NUP210: variants seen among roughly 807,000 people sequenced by gnomAD.
The protein encoded by NUP210 is nucleoporin 210, also known as nuclear pore membrane glycoprotein 210.
A neutral mutation model predicts 196.0 loss-of-function variants in NUP210; 151 were observed. That is an observed-to-expected ratio of 0.77 (90% CI 0.67 to 0.88). The LOEUF (loss-of-function observed/expected upper bound fraction) is 0.88, where lower values mean the gene tolerates loss of function less well. NUP210 is among the 40% of genes least tolerant of loss of function. NUP210 has a pLI of 0.00. For synonymous variants in NUP210, 1,070 were observed against 1,052.7 expected (o/e 1.02, Z -0.32); for missense variants, 2,314 against 2,493.7 (o/e 0.93, Z 1.53).
At chr3:13,327,113 T>C in intron 32 of NUP210, 104 bp downstream of exon 32, 5 of 827,044 alleles carry the variant, frequency 6.0e-6, no homozygotes, top group Non-Finnish European at 9.4e-6. Context: ...CAGGTCTGCC[T>C]GTAGGCCCCC....
At chr3:13,326,085 C>A (rs1260864353) in intron 32 of NUP210, among the ~76,000 whole-genome samples, 154 bp from the exon 33 acceptor site, 2 of 152,274 alleles carry the variant, frequency 1.3e-5, no homozygotes, top group African/African-American at 2.4e-5. Context: ...ACGCTGCCTG[C>A]CCCAGTGCCG....
chr3:13,361,737 C>T (rs766483997), intron 14 of NUP210, among the ~76,000 whole-genome samples: 3 of 152,214 alleles, frequency 2.0e-5, no homozygotes, highest in Non-Finnish European at 2.9e-5. Context: ...AGACCTGACC[C>T]TGTCCCTTGT....
At chr3:13,388,895 C>T (rs553166362) in intron 4 of NUP210, among the ~76,000 whole-genome samples, 6 of 152,214 alleles carry the variant, frequency 3.9e-5, no homozygotes, top group African/African-American at 9.6e-5. Flanking sequence ...CCCGGCCTAG[C>T]GCCCAGCTCT....
intron 13 of NUP210, 116 bp from the exon 14 acceptor site, chr3:13,366,207 C>T (rs1454861195): frequency 1.4e-5 from 13 of 958,118 alleles, no homozygotes; most frequent in Middle Eastern, 6.7e-4. Context: ...TGGCTCACTG[C>T]GACCTCCGCC....
intron 16 of NUP210, among the ~76,000 whole-genome samples, chr3:13,357,280 C>T (rs1377968403): frequency 6.6e-6 from 1 of 152,224 alleles, no homozygotes; most frequent in South Asian, 2.1e-4. Flanking sequence ...CGTTAGATAG[C>T]GGTGAGCTCG....
At chr3:13,416,266 C>T (rs1700345717) in intron 1 of NUP210, among the ~76,000 whole-genome samples, 1 of 148,402 alleles carries the variant, frequency 6.7e-6, no homozygotes, top group Admixed American at 6.6e-5. Context: ...AGTCTGTGAA[C>T]AGCTTGGTAT....
At chr3:13,361,940 C>T (rs537187364) in intron 14 of NUP210, among the ~76,000 whole-genome samples, 1 of 152,218 alleles carries the variant, frequency 6.6e-6, no homozygotes, top group Non-Finnish European at 1.5e-5. Flanking sequence ...GCGACCCCTC[C>T]TCACACTGCA....
rs1165836823 is a variant in NUP210, at chr3:13,375,535, G to A, written c.1400C>T (p.Pro467Leu). ...YPSILTFPWQ[P>L]KTGAYQYTIR... ...TGTGTACTGATAGGCGCCCGTCTTTGGTTGCCACGGAAATGTCAAGATGCT... is the reference window on the plus strand; with the variant it reads ...TGTGTACTGATAGGCGCCCGTCTTTAGTTGCCACGGAAATGTCAAGATGCT... The change falls in exon 11 of 40, where the codon CCA (proline) becomes CTA (leucine). Residue 467 changes from proline (P) to leucine (L), a missense_variant. Coordinates refer to ENST00000254508, the MANE Select transcript of NUP210 (RefSeq NM_024923.4). 1 of 1,614,142 alleles carries A rather than the reference G, an allele frequency of 6.2e-7. No homozygotes were observed. The highest frequency in any genetic ancestry group is 1.1e-5 in the South Asian group (1 of 91,072).
intron 12 of NUP210, among the ~76,000 whole-genome samples, chr3:13,373,495 G>A (rs1698798172): frequency 6.6e-6 from 1 of 152,214 alleles, no homozygotes; most frequent in Non-Finnish European, 1.5e-5. Context: ...ACCCAGCTCT[G>A]TGGACACTGG....
chr3:13,326,351 C>A (rs1696752881), intron 32 of NUP210, among the ~76,000 whole-genome samples: 1 of 578 alleles, frequency 1.7e-3, no homozygotes, highest in Non-Finnish European at 3.3e-3. Context: ...CTTATCAATT[C>A]CTTTTTAGCA....
chr3:13,353,905 C>A lies in NUP210; in HGVS notation c.2521+10G>T. ...TCCTGCCTGGGCCATCAGGCTTGTG[C>A]CCAGCTCACCGTGCAGCTTCTTTTG... On this transcript the variant is annotated intron_variant, in intron 17 of 39. Transcript: ENST00000254508. 6.2e-7 allele frequency: 1 copy of A among 1,601,624 alleles called. No homozygotes were observed. The highest frequency in any genetic ancestry group is 1.7e-5 in the Admixed American group (1 of 59,132).
At position 13,328,901 on chromosome 3, in the gene NUP210, G is replaced by A; in HGVS notation, c.4156C>T (p.His1386Tyr). 1 of 1,614,034 alleles carries A rather than the reference G, an allele frequency of 6.2e-7. No individual in the cohort carries two copies. The highest frequency in any genetic ancestry group is 8.5e-7 in the Non-Finnish European group (1 of 1,179,948). The change falls in exon 31 of 40, where the codon CAC becomes TAC. Residue 1386 changes from histidine to tyrosine, a missense_variant. Transcript: ENST00000254508. ...ACCAGGGCCTCCTTGTTCTGGGTGT[G>A]CAGGACAGGGCTCATGGAAACCCTC... ...YLRVSMSPVL[H>Y]TQNKEALVAV...
At position 13,337,262 on chromosome 3, in the gene NUP210, A is replaced by G. The variant is rs990506506; in HGVS notation, c.3553-344T>C. ...GGTTCCTCCGGGCCCCTCTCTCCTAATCTAGCTGGGGTCCCTGCTCACAGG... is the reference window on the plus strand; with the variant it reads ...GGTTCCTCCGGGCCCCTCTCTCCTAGTCTAGCTGGGGTCCCTGCTCACAGG... On this transcript the variant is annotated intron_variant, in intron 26 of 39. Transcript: ENST00000254508. Among the ~76,000 whole-genome samples, 13 of 152,120 alleles carry G rather than the reference A, an allele frequency of 8.5e-5. No individual in the cohort carries two copies. In the East Asian group the frequency reaches 2.5e-3, roughly 29 times the overall value.
intron 20 of NUP210, among the ~76,000 whole-genome samples, 187 bp from the exon 21 acceptor site, chr3:13,343,490 G>A (rs1697604115): frequency 6.6e-6 from 1 of 152,216 alleles, no homozygotes; most frequent in South Asian, 2.1e-4. Context: ...CCCAAGTAGT[G>A]CCCTGCCCAC....
Position 13,371,838 on chromosome 3 carries a change from G to T in NUP210, c.1782C>A (p.Leu594=), listed in dbSNP as rs771181020. 1 of 1,605,286 alleles carries T rather than the reference G, an allele frequency of 6.2e-7. No homozygotes were observed. The highest frequency in any genetic ancestry group is 1.1e-5 in the South Asian group (1 of 89,414). ...EVENQGVFQP[L]PGRLPPGSEH... Reference sequence around the variant, plus strand: ...TGCTCAGCAGCGCTGGTTTACCTGGGAGTGGCTGGAACACACCCTGGTTCT... The same window carrying T: ...TGCTCAGCAGCGCTGGTTTACCTGGTAGTGGCTGGAACACACCCTGGTTCT... The change falls in exon 13 of 40, where the codon CTC becomes CTA. Residue 594 remains leucine (L), a synonymous_variant. Transcript: ENST00000254508.
chr3:13,317,557 G>C lies in NUP210; in HGVS notation c.*124C>G, dbSNP rs1477768782. 1 of 725,672 alleles carries C rather than the reference G, an allele frequency of 1.4e-6. No homozygotes were observed. The highest frequency in any genetic ancestry group is 2.4e-6 in the Non-Finnish European group (1 of 413,546). The allele number at this position is 725,672 out of a possible 1,614,324, so 45.0% of individuals were successfully genotyped here. A position where few individuals can be genotyped will look rare whatever the true frequency, so the allele number is the denominator to read the frequency against. On this transcript the variant is annotated 3_prime_UTR_variant, in exon 40 of 40. Transcript: ENST00000254508. ...CTCTGTGTGAAGAGACGGCAGTGAA[G>C]CTGGCCTGGGGCCGGGGCACTCATC...
chr3:13,388,630 A>G (rs948409554), intron 4 of NUP210, among the ~76,000 whole-genome samples, 177 bp from the exon 5 acceptor site: 3 of 152,258 alleles, frequency 2.0e-5, no homozygotes, highest in South Asian at 2.1e-4. Flanking sequence ...TTCCTACATC[A>G]GAACTGCCAA....
chr3:13,366,238 C>A, intron 13 of NUP210, 147 bp from the exon 14 acceptor site: 1 of 707,008 alleles, frequency 1.4e-6, no homozygotes, highest in Non-Finnish European at 2.3e-6. Flanking sequence ...AAGTGATTCT[C>A]CTGCCTCAGC....
rs2124876065 is a variant in NUP210 at position 13,350,472 on chromosome 3, CAAAA to C, written c.2835+1403_2835+1406del. On this transcript the variant is annotated intron_variant, in intron 20 of 39. Coordinates refer to ENST00000254508, the MANE Select transcript of NUP210 (RefSeq NM_024923.4). This position sits in a 1 kb window ranked among gnomAD's most constrained non-coding sequence, Gnocchi z 4.1. ...CAAAACAAAACAAAACAAAACAAAACAAAACAAAAAACAAAACAAAACAGGAAAA... is the reference window on the plus strand; with the variant it reads ...CAAAACAAAACAAAACAAAACAAAACCAAAAAACAAAACAAAACAGGAAAA... 1.3e-5 allele frequency among the ~76,000 whole-genome samples: 1 copy of C among 78,834 alleles called. No homozygotes were observed. Among genetic ancestry groups the C allele is most frequent in the South Asian group, 2.8e-4 (1 of 3,520 alleles). The allele number at this position is 78,834 out of a possible 152,430, so 51.7% of individuals were successfully genotyped here.
Sources: gnomAD v4.1 joint callset for allele counts (sites outside exome capture counted in the v4.1 genomes callset) on GRCh38, gnomAD v4.1.1 for gene constraint, Gnocchi (gnomAD v3.1) non-coding constraint, MANE v1.5 for transcripts, NCBI Gene and HGNC (gene_info 2026-07-23, HGNC 2026-07-21) for gene names.